Variants in HOMER1 observed in about 807,000 individuals in gnomAD.
HOMER1 encodes homer protein homolog 1.
In HOMER1, 3 loss-of-function variants were observed where a neutral mutation model predicts 48.9. The observed-to-expected ratio is 0.06, with a 90% CI of 0.03 to 0.16. The LOEUF (loss-of-function observed/expected upper bound fraction) is 0.16, where lower values mean the gene tolerates loss of function less well. Ranked by LOEUF, HOMER1 falls within the 10% of genes least tolerant of loss-of-function variation. The pLI is 1.00. For synonymous variants in HOMER1, 134 were observed against 146.4 expected (o/e 0.92, Z 0.61); for missense variants, 247 against 411.4 (o/e 0.60, Z 3.46).
chr5:79,470,329 T>G (rs1751583154), intron 1 of HOMER1, among the ~76,000 whole-genome samples: 1 of 152,188 alleles, frequency 6.6e-6, no homozygotes, highest in South Asian at 2.1e-4. Flanking sequence ...ATATATCTTG[T>G]TCCAAGAAAC....
intron 5 of HOMER1, among the ~76,000 whole-genome samples, chr5:79,405,338 T>G (rs544434030): frequency 1.3e-4 from 20 of 152,132 alleles, no homozygotes; most frequent in Non-Finnish European, 2.8e-4. Flanking sequence ...GAAAATAGAT[T>G]TCTATAGTTT....
intron 8 of HOMER1, among the ~76,000 whole-genome samples, chr5:79,384,342 A>C (rs1256237888): frequency 6.6e-6 from 1 of 152,196 alleles, no homozygotes; most frequent in Non-Finnish European, 1.5e-5. Flanking sequence ...CACACTACAG[A>C]AATACAAAAG....
chr5:79,384,568 A>T (rs1365012879), intron 8 of HOMER1, among the ~76,000 whole-genome samples: 1 of 152,220 alleles, frequency 6.6e-6, no homozygotes, highest in Admixed American at 6.5e-5. Context: ...TCTACAAAAC[A>T]ATAAATAACT....
intron 5 of HOMER1, among the ~76,000 whole-genome samples, chr5:79,433,438 T>C (rs1750478416): frequency 6.6e-6 from 1 of 151,998 alleles, no homozygotes; most frequent in Non-Finnish European, 1.5e-5. Context: ...CGTGGTGATG[T>C]AAGCCTGTAA....
chr5:79,435,178 CTT>C (rs1323949624), intron 5 of HOMER1, among the ~76,000 whole-genome samples: 3 of 151,220 alleles, frequency 2.0e-5, no homozygotes, highest in Admixed American at 1.3e-4. Flanking sequence ...AGCTAAGTAA[CTT>C]TTTAAGAAAG....
chr5:79,382,498 T>G (rs1375508004), intron 8 of HOMER1, among the ~76,000 whole-genome samples: 3 of 152,138 alleles, frequency 2.0e-5, no homozygotes, highest in African/African-American at 7.2e-5. Context: ...GGGTGATATA[T>G]TCATAGTGTT....
intron 1 of HOMER1, among the ~76,000 whole-genome samples, chr5:79,485,112 CA>C (rs1381740473): frequency 1.3e-5 from 2 of 149,250 alleles, no homozygotes; most frequent in Non-Finnish European, 2.9e-5. Context: ...CAAAACAAAA[CA>C]AAAACACTAG....
rs141183559 is a variant in HOMER1, at chr5:79,510,762, C to T, written c.5+2008G>A. On this transcript the variant is annotated intron_variant, in intron 1 of 8. Coordinates refer to ENST00000334082, the MANE Select transcript of HOMER1 (RefSeq NM_004272.5). ...AGCTTGGGAAGCATGCTCGTGCCCG[C>T]ATTGCCAAGGGGCTCAGGGTGTGCT... The T allele has an allele frequency of 2.7e-3, 2,060 of 762,684 alleles. 18 individuals are homozygous for T. In the African/African-American group the frequency reaches 0.028, roughly 10 times the overall value. 47.2% of individuals were successfully genotyped at this position (762,684 alleles called of 1,614,324 possible). A position where few individuals can be genotyped will look rare whatever the true frequency, so the allele number is the denominator to read the frequency against.
intron 1 of HOMER1, among the ~76,000 whole-genome samples, chr5:79,477,625 A>C (rs1324187204): frequency 6.6e-6 from 1 of 152,248 alleles, no homozygotes; most frequent in Non-Finnish European, 1.5e-5. Context: ...ACAACTAATC[A>C]ATTGTCATTT....
At chr5:79,411,059 C>A (rs1025692344) in intron 5 of HOMER1, among the ~76,000 whole-genome samples, 4 of 152,156 alleles carry the variant, frequency 2.6e-5, no homozygotes, top group African/African-American at 9.6e-5. Flanking sequence ...TGTGGCTGTT[C>A]AGTAAAGTTT....
In HOMER1 at chr5:79,374,978, C is replaced by G. The variant is rs532492366; in HGVS notation, c.*1031G>C. On this transcript the variant is annotated 3_prime_UTR_variant, in exon 9 of 9. Transcript: ENST00000334082. Reference sequence around the variant, plus strand: ...CACAATTTAGATAGAGTCCTCTGATCAGCTGTTTGATGTAAATGGACCCCC... The same window carrying G: ...CACAATTTAGATAGAGTCCTCTGATGAGCTGTTTGATGTAAATGGACCCCC... The G allele has an allele frequency of 6.6e-6, 1 of 151,936 alleles. No homozygotes were observed. The highest frequency in any genetic ancestry group is 6.6e-5 in the Admixed American group (1 of 15,242). The allele number at this position is 151,936 out of a possible 1,614,324, so 9.4% of individuals were successfully genotyped here.
At chr5:79,478,753 AC>A (rs1751861584) in intron 1 of HOMER1, among the ~76,000 whole-genome samples, 2 of 152,154 alleles carry the variant, frequency 1.3e-5, no homozygotes, top group South Asian at 2.1e-4. Context: ...GGAGTTCGAG[AC>A]CAGCCTGACC....
intron 1 of HOMER1, chr5:79,510,625 C>T: frequency 1.1e-6 from 1 of 898,470 alleles, no homozygotes; most frequent in Non-Finnish European, 1.8e-6. Flanking sequence ...GTGCCAAGGC[C>T]ATGAGTGCAC....
At chr5:79,441,050 T>C (rs977397009) in intron 4 of HOMER1, among the ~76,000 whole-genome samples, 2 of 151,834 alleles carry the variant, frequency 1.3e-5, no homozygotes, top group Admixed American at 1.3e-4. Flanking sequence ...GTCCCAGCTA[T>C]TCGGGAGGCT....
chr5:79,465,314 G>A (rs1751426916), intron 1 of HOMER1, among the ~76,000 whole-genome samples: 1 of 151,960 alleles, frequency 6.6e-6, no homozygotes. Flanking sequence ...TCCAGGATGG[G>A]TGACAGAGCA....
intron 1 of HOMER1, among the ~76,000 whole-genome samples, chr5:79,491,145 T>C (rs2112358033): frequency 8.1e-6 from 1 of 123,932 alleles, no homozygotes; most frequent in Non-Finnish European, 1.6e-5. Flanking sequence ...GTTAAAGAAT[T>C]ACAGGTCAGG....
chr5:79,450,783 C>T (rs1198054328), intron 3 of HOMER1, among the ~76,000 whole-genome samples: 1 of 152,194 alleles, frequency 6.6e-6, no homozygotes, highest in Non-Finnish European at 1.5e-5. Context: ...TCCTTCTCAA[C>T]CAATGGTGAC....
intron 1 of HOMER1, among the ~76,000 whole-genome samples, chr5:79,508,839 C>T (rs6870011): frequency 0.27 from 41,306 of 152,100 alleles, 6,651 homozygotes; most frequent in African/African-American, 0.45. Context: ...GCCCAACTTC[C>T]AAAGTATAAA....
intron 5 of HOMER1, among the ~76,000 whole-genome samples, chr5:79,405,153 A>G (rs752544524): frequency 1.3e-5 from 2 of 152,142 alleles, no homozygotes; most frequent in Non-Finnish European, 2.9e-5. Context: ...TAATGTGGTC[A>G]TTAGGGTGGG....
Sources: allele counts gnomAD v4.1 joint callset (sites outside exome capture counted in the v4.1 genomes callset), GRCh38; gene constraint gnomAD v4.1.1; transcripts MANE v1.5; gene names NCBI Gene and HGNC (gene_info 2026-07-23, HGNC 2026-07-21).